The following LRRC1 variants were observed in gnomAD, a reference collection of about 807,000 sequenced individuals.
LRRC1 encodes leucine-rich repeat-containing protein 1.
Under a neutral mutation model 69.9 loss-of-function variants are expected in LRRC1, and 28 were observed. That is an observed-to-expected ratio of 0.40 (90% CI 0.30 to 0.55). The LOEUF (loss-of-function observed/expected upper bound fraction) is 0.55, where lower values mean the gene tolerates loss of function less well. Ranked by LOEUF, LRRC1 falls within the 20% of genes least tolerant of loss-of-function variation. LRRC1 has a pLI of 0.47. For missense variants in LRRC1, 498 were observed against 609.0 expected (o/e 0.82, Z 1.92); for synonymous variants, 236 against 240.2 (o/e 0.98, Z 0.16).
At chr6:53,808,476 T>C (rs1400063813) in intron 1 of LRRC1, among the ~76,000 whole-genome samples, 1 of 152,196 alleles carries the variant, frequency 6.6e-6, no homozygotes, top group Admixed American at 6.5e-5. Flanking sequence ...GTCAGCATTT[T>C]ATGAGCAATG....
At chr6:53,879,641 A>G (rs535939563) in intron 3 of LRRC1, among the ~76,000 whole-genome samples, 3 of 152,124 alleles carry the variant, frequency 2.0e-5, no homozygotes, top group Non-Finnish European at 2.9e-5. Context: ...AAACAAACAA[A>G]AAAACCCAAA....
At chr6:53,847,508 C>T (rs1765985466) in intron 2 of LRRC1, among the ~76,000 whole-genome samples, 1 of 152,208 alleles carries the variant, frequency 6.6e-6, no homozygotes, top group Admixed American at 6.5e-5. Flanking sequence ...TGCATACCTT[C>T]ACTAATTATT....
chr6:53,842,771 C>T (rs536603221), intron 2 of LRRC1, among the ~76,000 whole-genome samples: 8 of 152,290 alleles, frequency 5.3e-5, no homozygotes, highest in Admixed American at 3.9e-4. Flanking sequence ...GACCTGCTTG[C>T]GTTCAGGCAT....
chr6:53,800,065 C>T (rs1764424196), intron 1 of LRRC1, among the ~76,000 whole-genome samples: 1 of 152,096 alleles, frequency 6.6e-6, no homozygotes, highest in Non-Finnish European at 1.5e-5. Flanking sequence ...GCTGCCCCAA[C>T]ACTTGGAGAC....
intron 2 of LRRC1, among the ~76,000 whole-genome samples, chr6:53,844,136 C>T (rs1765868735): frequency 6.6e-6 from 1 of 152,070 alleles, no homozygotes; most frequent in Non-Finnish European, 1.5e-5. Flanking sequence ...CCAGAATTGC[C>T]TCAGAAACTA....
At position 53,899,755 on chromosome 6, in the gene LRRC1, A is replaced by T. The variant is rs1562066160; in HGVS notation, c.651A>T (p.Gly217=). ...CCATGTCATTGTTATAGGAAATAGG[A>T]AATCTGAAGAACCTGCTGTGTTTAG... is the stretch of plus-strand genomic sequence containing the variant. ...NQLSELPQEI[G]NLKNLLCLDV... is the part of the protein sequence containing the mutation. The change falls in exon 8 of 14, where the codon GGA becomes GGT. Residue 217 remains glycine, a synonymous_variant. Transcript: ENST00000370888. 3 of 1,613,186 alleles carry T rather than the reference A, an allele frequency of 1.9e-6. No individual in the cohort carries two copies. The highest frequency in any genetic ancestry group is 2.5e-6 in the Non-Finnish European group (3 of 1,179,768).
At chr6:53,841,219 C>T (rs1765777639) in intron 1 of LRRC1, among the ~76,000 whole-genome samples, 1 of 152,166 alleles carries the variant, frequency 6.6e-6, no homozygotes, top group Non-Finnish European at 1.5e-5. Context: ...AGGAAATTTC[C>T]AGGCTCCTGC....
chr6:53,831,213 G>A (rs775012266), intron 1 of LRRC1, among the ~76,000 whole-genome samples: 1 of 151,914 alleles, frequency 6.6e-6, no homozygotes, highest in African/African-American at 2.4e-5. Flanking sequence ...CTGAAATCTG[G>A]TTAGGGCCTA....
At chr6:53,882,032 T>G (rs1362703128) in intron 3 of LRRC1, among the ~76,000 whole-genome samples, 1 of 152,180 alleles carries the variant, frequency 6.6e-6, no homozygotes, top group Non-Finnish European at 1.5e-5. Flanking sequence ...GTTGGCAACT[T>G]AAATAGAACT....
chr6:53,899,953 G>C, intron 8 of LRRC1, 62 bp downstream of exon 8: 2 of 1,526,438 alleles, frequency 1.3e-6, no homozygotes, highest in Non-Finnish European at 1.8e-6. Context: ...AGGGTTTGGG[G>C]CACACTTTGA....
intron 2 of LRRC1, among the ~76,000 whole-genome samples, chr6:53,868,295 C>T (rs1191952255): frequency 6.7e-6 from 1 of 150,194 alleles, no homozygotes; most frequent in Non-Finnish European, 1.5e-5. Context: ...GATCTTGGCT[C>T]ACGGCAACCT....
rs138758539 is a variant in LRRC1, at chr6:53,860,053, A to G, written c.277+17826A>G. ...ACCCTAAGTTTGGATGACAGTGCCT[A>G]TGAGAATTGCTTTAGGACATAGAAA... On this transcript the variant is annotated intron_variant, in intron 2 of 13. Coordinates refer to ENST00000370888, the MANE Select transcript of LRRC1 (RefSeq NM_018214.5). Among the ~76,000 whole-genome samples, 328 of 152,314 alleles carry G rather than the reference A, an allele frequency of 2.2e-3. 2 individuals are homozygous for G. Among genetic ancestry groups the G allele is most frequent in the African/African-American group, 7.5e-3 (313 of 41,576 alleles).
chr6:53,912,604 A>G (rs1768448663), intron 10 of LRRC1, among the ~76,000 whole-genome samples: 2 of 152,204 alleles, frequency 1.3e-5, no homozygotes, highest in Admixed American at 1.3e-4. Context: ...ATTGTGGTTC[A>G]ATACATTATT....
chr6:53,838,658 C>T (rs928144232), intron 1 of LRRC1, among the ~76,000 whole-genome samples: 3 of 152,154 alleles, frequency 2.0e-5, no homozygotes, highest in Admixed American at 6.5e-5. Flanking sequence ...TATTCAAATA[C>T]GTGACTCTAT....
In LRRC1 at chr6:53,896,822, A is replaced by T. The variant is rs1767890639; in HGVS notation, c.504-7A>T. The T allele has an allele frequency of 6.3e-7, 1 of 1,576,486 alleles. No homozygotes were observed. Among genetic ancestry groups the T allele is most frequent in the Admixed American group, 1.7e-5 (1 of 59,254 alleles). On this transcript the variant is annotated splice_region_variant and splice_polypyrimidine_tract_variant and intron_variant, in intron 5 of 13. Transcript: ENST00000370888. ...TCTAAGTGCTCTTTATTTATTTTTT[A>T]AAATAGCTCTCTTACCCAGCTGCGA...
chr6:53,867,899 G>A (rs1258746616), intron 2 of LRRC1, among the ~76,000 whole-genome samples: 1 of 150,470 alleles, frequency 6.6e-6, no homozygotes, highest in African/African-American at 2.5e-5. Flanking sequence ...GCTGCAGTGA[G>A]CCAAGATTGC....
rs528676835 is a variant in LRRC1 at position 53,846,426 on chromosome 6, C to T, written c.277+4199C>T. ...GTGCTCAGCAGAGAGGACCCTGGCT[C>T]GGAGCCCTGGCTCTGCTGTCAGCAC... On this transcript the variant is annotated intron_variant, in intron 2 of 13. Transcript: ENST00000370888. 6.4e-4 allele frequency among the ~76,000 whole-genome samples: 98 copies of T among 152,318 alleles called. 2 individuals are homozygous for T. The highest frequency in any genetic ancestry group is 2.2e-3 in the African/African-American group (90 of 41,578).
chr6:53,867,246 T>G (rs946158033), intron 2 of LRRC1, among the ~76,000 whole-genome samples: 1 of 152,104 alleles, frequency 6.6e-6, no homozygotes, highest in African/African-American at 2.4e-5. Context: ...GAATTGTGCC[T>G]CACACTTAGT....
At chr6:53,899,186 T>TG (rs1387079848) in intron 7 of LRRC1, among the ~76,000 whole-genome samples, 14 of 152,360 alleles carry the variant, frequency 9.2e-5, no homozygotes, top group South Asian at 2.1e-4. Flanking sequence ...TACCTTATCC[T>TG]GGTAGACTGT....
Sources: allele counts gnomAD v4.1 joint callset (sites outside exome capture counted in the v4.1 genomes callset), GRCh38; gene constraint gnomAD v4.1.1; transcripts MANE v1.5; gene names NCBI Gene and HGNC (gene_info 2026-07-23, HGNC 2026-07-21).